SYNE1: variants seen among roughly 807,000 people sequenced by gnomAD.
SYNE1 encodes the protein nesprin-1.
In SYNE1, 616 loss-of-function variants were observed where a neutral mutation model predicts 1,111.0. That is an observed-to-expected ratio of 0.55 (90% CI 0.52 to 0.59). The LOEUF is 0.59. SYNE1 is among the 20% of genes least tolerant of loss of function. The pLI, the probability that SYNE1 is intolerant of heterozygous loss-of-function variation, is 0.00. For missense variants in SYNE1, 10,006 were observed against 10,417.0 expected, an observed-to-expected ratio of 0.96 and a Z score of 1.72; for synonymous variants, 3,855 against 3,825.8, an observed-to-expected ratio of 1.01 and a Z score of -0.28.
chr6:152,234,348 G>A (rs552142239), intron 111 of SYNE1, among the ~76,000 whole-genome samples: 1 of 152,172 alleles, frequency 6.6e-6, no homozygotes, highest in East Asian at 1.9e-4. Context: ...AGGCTGGAGT[G>A]CAGTGGCACA....
At chr6:152,383,579 G>A (rs2097465180) in intron 55 of SYNE1, among the ~76,000 whole-genome samples, 1 of 152,000 alleles carries the variant, frequency 6.6e-6, no homozygotes, top group African/African-American at 2.4e-5. Flanking sequence ...TCCCCTTCTT[G>A]TTTTTCCCCT....
intron 3 of SYNE1, among the ~76,000 whole-genome samples, chr6:152,591,972 A>C (rs1340384323): frequency 1.3e-5 from 2 of 152,210 alleles, no homozygotes; most frequent in Non-Finnish European, 2.9e-5. Context: ...ATAATGAGAT[A>C]CCATCTCACA....
intron 95 of SYNE1, among the ~76,000 whole-genome samples, chr6:152,288,552 TTTTAA>T (rs1437893579): frequency 6.6e-6 from 1 of 152,200 alleles, no homozygotes; most frequent in Non-Finnish European, 1.5e-5. Context: ...TTAAATCTTT[TTTTAA>T]TTTTTTTGGG....
At chr6:152,468,699 T>C (rs1229436905) in intron 16 of SYNE1, among the ~76,000 whole-genome samples, 1 of 152,176 alleles carries the variant, frequency 6.6e-6, no homozygotes, top group African/African-American at 2.4e-5. Flanking sequence ...AAAATATAAT[T>C]ACGGAAAATT....
intron 87 of SYNE1, among the ~76,000 whole-genome samples, chr6:152,311,664 A>G (rs1312772138): frequency 1.3e-5 from 2 of 152,258 alleles, no homozygotes; most frequent in African/African-American, 4.8e-5. Context: ...CAGAGAGAAC[A>G]GCATATGCAT....
Position 152,428,384 on chromosome 6 carries a change from G to A in SYNE1, c.4797C>T (p.Cys1599=). 6.2e-7 allele frequency: 1 copy of A among 1,613,650 alleles called. No homozygotes were observed. The change falls in exon 37 of 146, where the codon TGC becomes TGT. Residue 1599 remains cysteine, a synonymous_variant. Transcript: ENST00000367255. Reference sequence around the variant, plus strand: ...CGCTGCTCAGTGACTCCAGGGCCTGGCAGAGATCCTAAGAAGAGTGCGAGA... The same window carrying A: ...CGCTGCTCAGTGACTCCAGGGCCTGACAGAGATCCTAAGAAGAGTGCGAGA... ...YKVLQEHMDL[C]QALESLSSAI...
chr6:152,127,946 T>A (rs1307011311), intron 145 of SYNE1: 3 of 152,222 alleles, frequency 2.0e-5, no homozygotes, highest in African/African-American at 7.2e-5. Flanking sequence ...TCATTCCATC[T>A]TAGTTCTCTG....
intron 2 of SYNE1, among the ~76,000 whole-genome samples, chr6:152,634,433 G>C (rs1030790631): frequency 1.3e-5 from 2 of 152,154 alleles, no homozygotes; most frequent in Non-Finnish European, 2.9e-5. Flanking sequence ...TTGCTGAAGA[G>C]AGTTCACATA....
chr6:152,610,129 C>T (rs567134112), intron 3 of SYNE1, among the ~76,000 whole-genome samples: 5 of 152,180 alleles, frequency 3.3e-5, no homozygotes, highest in African/African-American at 1.2e-4. Context: ...TGGAACAAAG[C>T]TGGACAGAGA....
intron 3 of SYNE1, among the ~76,000 whole-genome samples, chr6:152,579,626 G>C (rs1339447471): frequency 6.6e-6 from 1 of 152,160 alleles, no homozygotes. Context: ...CCCAGGTAAT[G>C]AGCGTAGTAC....
chr6:152,310,440 C>T lies in SYNE1; in HGVS notation c.16975G>A (p.Glu5659Lys). The change falls in exon 89 of 146, where the codon GAA becomes AAA. Residue 5659 changes from glutamate (E) to lysine (K), a missense_variant. Physicochemically the swap from Glu to Lys is moderately conservative, Grantham distance 56. Around this residue, in one of 7 missense-constraint regions of SYNE1, gnomAD observed 4,955 missense variants for 5,017.2 expected, o/e 0.99. Transcript: ENST00000367255. ...TCCTTGAGACTGAGACGTCCAACTT[C>T]TGGAGAAGTCAGTGTTGCCTGGGCT... ...EQAQATLTSP[E>K]VGRLSLKEQL... 1.2e-6 allele frequency: 2 copies of T among 1,614,166 alleles called. No individual in the cohort carries two copies. Among genetic ancestry groups the T allele is most frequent in the South Asian group, 1.1e-5 (1 of 91,082 alleles).
intron 58 of SYNE1, among the ~76,000 whole-genome samples, chr6:152,374,826 T>G (rs1010984278): frequency 3.3e-5 from 5 of 152,020 alleles, no homozygotes; most frequent in African/African-American, 1.2e-4. Context: ...TAGCACTGTG[T>G]TTCTCCAATA....
In SYNE1 at chr6:152,453,660, G is replaced by A. The variant is rs2098670001; in HGVS notation, c.2953C>T (p.Leu985Phe). 1.2e-6 allele frequency: 2 copies of A among 1,614,068 alleles called. No individual in the cohort carries two copies. Among genetic ancestry groups the A allele is most frequent in the South Asian group, 1.1e-5 (1 of 91,078 alleles). Residue 985 changes from leucine to phenylalanine, a missense_variant, in exon 25 of 146, where the codon CTC becomes TTC. This residue lies in a region of SYNE1 where 1,971 missense variants were observed against 2,084.1 expected (regional missense o/e 0.95). Coordinates refer to ENST00000367255, the MANE Select transcript of SYNE1 (RefSeq NM_182961.4). Reference protein sequence around the residue: ...LNAFLKACDELTDILPEQEQQ... With the variant: ...LNAFLKACDEFTDILPEQEQQ... The stretch of plus-strand genomic sequence containing the variant: ...TCCTGCTCTGGAAGGATGTCGGTGA[G>A]TTCATCACAAGCTTTCAGGAAAGCA...
chr6:152,228,156 T>C (rs2082019889), intron 115 of SYNE1, among the ~76,000 whole-genome samples: 2 of 152,220 alleles, frequency 1.3e-5, no homozygotes, highest in Admixed American at 1.3e-4. Flanking sequence ...GACAGTTGTA[T>C]CAAGACCTGT....
chr6:152,253,763 C>T (rs2089968756), intron 104 of SYNE1, among the ~76,000 whole-genome samples: 1 of 134,728 alleles, frequency 7.4e-6, no homozygotes, highest in Non-Finnish European at 1.5e-5. Context: ...GTAATTTGTG[C>T]CTCGTGAAAA....
intron 3 of SYNE1, among the ~76,000 whole-genome samples, chr6:152,550,025 C>T (rs75515987): frequency 0.049 from 7,406 of 152,166 alleles, 238 homozygotes; most frequent in Non-Finnish European, 0.064. Context: ...GATTCTTTGT[C>T]GTGGGAGGTG....
chr6:152,508,047 T>A (rs1269136378), intron 8 of SYNE1, among the ~76,000 whole-genome samples: 1 of 152,330 alleles, frequency 6.6e-6, no homozygotes, highest in African/African-American at 2.4e-5. Flanking sequence ...CCACGAAATA[T>A]TATGATTTTA....
chr6:152,450,464 C>A (rs573593223), intron 27 of SYNE1, among the ~76,000 whole-genome samples, 161 bp downstream of exon 27: 1 of 152,318 alleles, frequency 6.6e-6, no homozygotes, highest in African/African-American at 2.4e-5. Context: ...GTGCCTCACC[C>A]TGATTCTGAC....
chr6:152,133,667 A>G, intron 142 of SYNE1, 179 bp from the exon 143 acceptor site: 1 of 643,468 alleles, frequency 1.6e-6, no homozygotes. Context: ...TGCCTCTGCC[A>G]AAAATATTCT....
Sources: allele counts gnomAD v4.1 joint callset (sites outside exome capture counted in the v4.1 genomes callset), GRCh38; gene constraint gnomAD v4.1.1; regional missense constraint gnomAD v4.1.1; transcripts MANE v1.5; gene names NCBI Gene and HGNC (gene_info 2026-07-23, HGNC 2026-07-21).